The following AP2B1 variants were observed in gnomAD, a reference collection of about 807,000 sequenced individuals.
AP2B1 encodes the protein adaptor related protein complex 2 subunit beta 1.
A neutral mutation model predicts 102.0 loss-of-function variants in AP2B1; 23 were observed. The ratio of observed to expected loss-of-function variants is 0.23; its 90% CI spans 0.16 to 0.32. AP2B1 has a LOEUF of 0.32. Among genes scored for constraint, AP2B1 ranks in the 10% least tolerant of loss-of-function variants. The pLI is 1.00. For missense variants in AP2B1, 541 were observed against 1,157.4 expected (o/e 0.47, Z 7.73); for synonymous variants, 381 against 421.2 (o/e 0.90, Z 1.17).
chr17:35,640,817 A>G (rs966658275), intron 11 of AP2B1, among the ~76,000 whole-genome samples: 1 of 152,194 alleles, frequency 6.6e-6, no homozygotes, highest in Non-Finnish European at 1.5e-5. Context: ...TCACCTAAGA[A>G]TGACTACACA....
chr17:35,639,703 C>T lies in AP2B1; in HGVS notation c.1380C>T (p.Asp460=), dbSNP rs1313119051. The change falls in exon 11 of 22, where the codon GAC becomes GAT. Residue 460 remains aspartate, a synonymous_variant. Transcript: ENST00000610402. ...WIVGEYAERI[D]NADELLESFL... is the part of the protein sequence containing the mutation. ...TGGGAGAATATGCTGAAAGAATTGA[C>T]AATGCAGATGAGTTACTAGAAAGCT... The T allele has an allele frequency of 6.2e-7, 1 of 1,614,130 alleles. No homozygotes were observed. Among genetic ancestry groups the T allele is most frequent in the Non-Finnish European group, 8.5e-7 (1 of 1,180,020 alleles).
At chr17:35,718,815 T>A (rs961996645) in intron 21 of AP2B1, among the ~76,000 whole-genome samples, 5 of 152,016 alleles carry the variant, frequency 3.3e-5, no homozygotes, top group African/African-American at 1.2e-4. Context: ...CATTATTTTA[T>A]TGTATATAGT....
intron 20 of AP2B1, among the ~76,000 whole-genome samples, chr17:35,714,700 ACT>A (rs1463464652): frequency 6.6e-6 from 1 of 152,072 alleles, no homozygotes; most frequent in African/African-American, 2.4e-5. Context: ...ACAAAGAAAG[ACT>A]CTGTCGAGAG....
chr17:35,677,929 T>C (rs1457839188), intron 17 of AP2B1, among the ~76,000 whole-genome samples: 2 of 151,626 alleles, frequency 1.3e-5, no homozygotes, highest in Non-Finnish European at 2.9e-5. Context: ...GTGTCATCTC[T>C]GCCCACTGTA....
chr17:35,660,102 A>G, intron 14 of AP2B1: 2 of 980,214 alleles, frequency 2.0e-6, no homozygotes, highest in South Asian at 9.4e-5. Flanking sequence ...AATAAATTAT[A>G]TACCTTGAAT....
At chr17:35,720,897 G>A (rs1451604862) in intron 21 of AP2B1, among the ~76,000 whole-genome samples, 1 of 151,922 alleles carries the variant, frequency 6.6e-6, no homozygotes, top group African/African-American at 2.4e-5. Flanking sequence ...CACCCTTTTA[G>A]TCATTAGACT....
intron 18 of AP2B1, among the ~76,000 whole-genome samples, chr17:35,702,612 A>C (rs1243001003): frequency 1.3e-5 from 2 of 152,110 alleles, no homozygotes; most frequent in African/African-American, 4.8e-5. Context: ...TTTTAAGATC[A>C]CTCTGGCTGC....
intron 5 of AP2B1, among the ~76,000 whole-genome samples, chr17:35,615,998 C>A (rs1381981624): frequency 6.6e-6 from 1 of 152,114 alleles, no homozygotes; most frequent in Non-Finnish European, 1.5e-5. Context: ...GAGTGTATTT[C>A]TGTCTCTACT....
At chr17:35,675,227 A>G (rs1040561767) in intron 17 of AP2B1, among the ~76,000 whole-genome samples, 2 of 152,228 alleles carry the variant, frequency 1.3e-5, no homozygotes, top group Non-Finnish European at 2.9e-5. Context: ...GGTTCAGGAA[A>G]ATGGCTGTTA....
intron 9 of AP2B1, among the ~76,000 whole-genome samples, chr17:35,631,902 T>C (rs1022470499): frequency 1.3e-5 from 2 of 152,228 alleles, no homozygotes; most frequent in African/African-American, 4.8e-5. Flanking sequence ...TAAAGTCTTT[T>C]GTAATTGAGA....
chr17:35,698,392 C>T (rs2076180542), intron 18 of AP2B1, among the ~76,000 whole-genome samples: 1 of 152,164 alleles, frequency 6.6e-6, no homozygotes. Flanking sequence ...TTACTGCAGC[C>T]TTGACCTCCC....
At chr17:35,637,084 T>C (rs1021810805) in intron 10 of AP2B1, among the ~76,000 whole-genome samples, 1 of 152,268 alleles carries the variant, frequency 6.6e-6, no homozygotes, top group Non-Finnish European at 1.5e-5. Context: ...AAAAATACTT[T>C]TTAGATTTGA....
At chr17:35,615,262 G>GTAT (rs1052845051) in intron 5 of AP2B1, among the ~76,000 whole-genome samples, 3 of 152,302 alleles carry the variant, frequency 2.0e-5, no homozygotes, top group Non-Finnish European at 4.4e-5. Flanking sequence ...TAAAACTGAG[G>GTAT]TAATAATGCC....
chr17:35,703,054 T>C (rs1163362634), intron 18 of AP2B1, among the ~76,000 whole-genome samples: 1 of 151,368 alleles, frequency 6.6e-6, no homozygotes, highest in Non-Finnish European at 1.5e-5. Flanking sequence ...AGGTGGATCA[T>C]GAGGTCAGGA....
intron 17 of AP2B1, among the ~76,000 whole-genome samples, chr17:35,676,598 A>G (rs1171433432): frequency 3.9e-5 from 6 of 152,100 alleles, no homozygotes; most frequent in Admixed American, 1.3e-4. Flanking sequence ...GGTTGGACAT[A>G]TGTTTTTGAT....
chr17:35,712,839 C>T (rs1267581429), intron 20 of AP2B1, among the ~76,000 whole-genome samples: 3 of 152,118 alleles, frequency 2.0e-5, no homozygotes, highest in African/African-American at 4.8e-5. Context: ...TCACAAAATA[C>T]TTATTAGTAA....
intron 5 of AP2B1, among the ~76,000 whole-genome samples, chr17:35,615,071 G>C (rs184009209): frequency 1.3e-5 from 2 of 152,048 alleles, no homozygotes; most frequent in African/African-American, 4.8e-5. Flanking sequence ...ACAGTCCCCC[G>C]ACAACAAAGA....
intron 9 of AP2B1, among the ~76,000 whole-genome samples, chr17:35,631,500 T>C (rs1010997720): frequency 6.6e-6 from 1 of 152,166 alleles, no homozygotes; most frequent in Non-Finnish European, 1.5e-5. Flanking sequence ...TACAAAGATG[T>C]ATTTTTTTAT....
intron 3 of AP2B1, among the ~76,000 whole-genome samples, chr17:35,601,500 G>A (rs1209911206): frequency 2.6e-5 from 4 of 152,090 alleles, no homozygotes; most frequent in East Asian, 1.9e-4. Flanking sequence ...CCTGGCTGAC[G>A]CCAAGTGATC....
Sources: allele counts gnomAD v4.1 joint callset (sites outside exome capture counted in the v4.1 genomes callset), GRCh38; gene constraint gnomAD v4.1.1; transcripts MANE v1.5; gene names NCBI Gene and HGNC (gene_info 2026-07-23, HGNC 2026-07-21).